Variants in SLMAP observed in about 807,000 individuals in gnomAD.
The protein encoded by SLMAP is sarcolemma associated protein.
In SLMAP, 44 loss-of-function variants were observed where a neutral mutation model predicts 128.8. The ratio of observed to expected loss-of-function variants is 0.34; its 90% CI spans 0.27 to 0.44. The LOEUF is 0.44. Ranked by LOEUF, SLMAP falls within the 20% of genes least tolerant of loss-of-function variation. The pLI is 1.00. For missense variants in SLMAP, 787 were observed against 985.3 expected, an observed-to-expected ratio of 0.80 and a Z score of 2.69; for synonymous variants, 327 against 348.8, an observed-to-expected ratio of 0.94 and a Z score of 0.70.
intron 2 of SLMAP, among the ~76,000 whole-genome samples, chr3:57,823,384 C>T (rs1308478265): frequency 6.6e-6 from 1 of 152,064 alleles, no homozygotes; most frequent in Non-Finnish European, 1.5e-5. Context: ...CACCACCCTA[C>T]AACAGTCCCC....
chr3:57,781,945 G>A (rs781388306), intron 2 of SLMAP, among the ~76,000 whole-genome samples: 1 of 152,000 alleles, frequency 6.6e-6, no homozygotes, highest in Non-Finnish European at 1.5e-5. Flanking sequence ...TGTTGGCCAG[G>A]CTGGTCTCGA....
intron 2 of SLMAP, among the ~76,000 whole-genome samples, chr3:57,782,629 T>A (rs2083301871): frequency 6.6e-6 from 1 of 152,136 alleles, no homozygotes; most frequent in South Asian, 2.1e-4. Context: ...TGCACCACCA[T>A]GCCTGGCTAA....
At chr3:57,813,150 C>T (rs1050776627) in intron 2 of SLMAP, among the ~76,000 whole-genome samples, 4 of 148,240 alleles carry the variant, frequency 2.7e-5, no homozygotes, top group Non-Finnish European at 5.9e-5. Flanking sequence ...GGCTGGAGCG[C>T]AGTGGTGTGA....
chr3:57,860,870 G>A, intron 9 of SLMAP, 31 bp downstream of exon 9: 1 of 1,511,564 alleles, frequency 6.6e-7, no homozygotes, highest in South Asian at 1.3e-5. Flanking sequence ...ATACTAAATA[G>A]TATTATGAGT....
intron 2 of SLMAP, among the ~76,000 whole-genome samples, chr3:57,787,737 A>G (rs11712761): frequency 0.043 from 6,601 of 152,214 alleles, 191 homozygotes; most frequent in South Asian, 0.094. Context: ...CAGCCTCCCA[A>G]AAGTGCTGAG....
intron 2 of SLMAP, among the ~76,000 whole-genome samples, chr3:57,817,728 T>C (rs2092032669): frequency 6.6e-6 from 1 of 152,224 alleles, no homozygotes; most frequent in African/African-American, 2.4e-5. Flanking sequence ...GTATAGCTCC[T>C]AGCATGAGCA....
In SLMAP at chr3:57,757,676, A is replaced by T. The variant is rs761599362; in HGVS notation, c.25A>T (p.Thr9Ser). 6.2e-7 allele frequency: 1 copy of T among 1,614,066 alleles called. No individual in the cohort carries two copies. Among genetic ancestry groups the T allele is most frequent in the South Asian group, 1.1e-5 (1 of 91,068 alleles). The change falls in exon 2 of 25, where the codon ACT becomes TCT. Residue 9 changes from threonine (T) to serine (S), a missense_variant. Transcript: ENST00000671191. ...GATGCCGTCAGCCTTGGCCATCTTC[A>T]CTTGCCGCCCGAACTCGCACCCGTT... Reference protein sequence around the residue: MPSALAIFTCRPNSHPFQE... With the variant: MPSALAIFSCRPNSHPFQE...
At chr3:57,908,059 T>C (rs1471045661) in intron 18 of SLMAP, 53 bp downstream of exon 18, 9 of 1,567,624 alleles carry the variant, frequency 5.7e-6, no homozygotes, top group African/African-American at 1.4e-5. Context: ...CAGCACAATA[T>C]AATTGGGTGG....
chr3:57,796,009 T>G (rs1465072023), intron 2 of SLMAP, among the ~76,000 whole-genome samples: 3 of 152,232 alleles, frequency 2.0e-5, no homozygotes, highest in African/African-American at 7.2e-5. Flanking sequence ...TTATAAGTAA[T>G]TTTTAGTAAT....
intron 15 of SLMAP, 146 bp from the exon 16 acceptor site, chr3:57,896,365 T>G: frequency 7.2e-7 from 1 of 1,381,742 alleles, no homozygotes; most frequent in Non-Finnish European, 9.3e-7. Context: ...ACAAGGGTGG[T>G]GAAGAAGTAA....
chr3:57,896,798 GT>G, intron 16 of SLMAP, 74 bp from the exon 17 acceptor site: 1 of 1,487,624 alleles, frequency 6.7e-7, no homozygotes, highest in Middle Eastern at 1.8e-4. Flanking sequence ...CCAATTGTTT[GT>G]TTTGATAACA....
At chr3:57,883,918 C>T (rs1271425108) in intron 14 of SLMAP, among the ~76,000 whole-genome samples, 3 of 146,500 alleles carry the variant, frequency 2.0e-5, no homozygotes, top group Non-Finnish European at 4.5e-5. Context: ...TATTTTTCTT[C>T]TTCTTTTTTC....
intron 4 of SLMAP, among the ~76,000 whole-genome samples, chr3:57,843,951 T>C (rs1044670209): frequency 2.0e-5 from 3 of 151,786 alleles, no homozygotes; most frequent in African/African-American, 7.2e-5. Flanking sequence ...CAGCTAATTT[T>C]TGTGTTTTCA....
intron 2 of SLMAP, among the ~76,000 whole-genome samples, chr3:57,803,976 T>A (rs548530786): frequency 2.4e-4 from 36 of 152,368 alleles, no homozygotes; most frequent in Admixed American, 1.6e-3. Context: ...GTTGACTTTT[T>A]AAAAGTTCCT....
At chr3:57,857,959 A>C (rs1339009470) in intron 7 of SLMAP, 129 bp from the exon 8 acceptor site, 1 of 918,356 alleles carries the variant, frequency 1.1e-6, no homozygotes, top group Non-Finnish European at 1.7e-6. Flanking sequence ...TTGAAGATTT[A>C]GCATTTTACA....
chr3:57,758,681 A>G (rs2078045734), intron 2 of SLMAP, among the ~76,000 whole-genome samples: 1 of 152,200 alleles, frequency 6.6e-6, no homozygotes, highest in African/African-American at 2.4e-5. Flanking sequence ...CCAATTTAGT[A>G]TTTTTATGTT....
At chr3:57,871,533 T>C in intron 13 of SLMAP, 103 bp from the exon 14 acceptor site, 1 of 797,728 alleles carries the variant, frequency 1.3e-6, no homozygotes, top group Non-Finnish European at 2.2e-6. Context: ...TTATTAGTCT[T>C]ACTTAGTACC....
chr3:57,776,673 G>A (rs961853626), intron 2 of SLMAP, among the ~76,000 whole-genome samples: 1 of 150,836 alleles, frequency 6.6e-6, no homozygotes, highest in African/African-American at 2.4e-5. Flanking sequence ...ATTACAGGTG[G>A]GTGCCACCAC....
At chr3:57,828,392 C>G (rs200435192) in intron 2 of SLMAP, among the ~76,000 whole-genome samples, 1 of 151,986 alleles carries the variant, frequency 6.6e-6, no homozygotes, top group African/African-American at 2.4e-5. Context: ...GTCAATCTTT[C>G]AAAACAGCCA....
Sources: gnomAD v4.1 joint callset for allele counts (sites outside exome capture counted in the v4.1 genomes callset) on GRCh38, gnomAD v4.1.1 for gene constraint, MANE v1.5 for transcripts, NCBI Gene and HGNC (gene_info 2026-07-23, HGNC 2026-07-21) for gene names.